KAT6B: variants seen among roughly 807,000 people sequenced by gnomAD.
KAT6B encodes lysine acetyltransferase 6B.
In KAT6B, 10 loss-of-function variants were observed where a neutral mutation model predicts 187.5. The ratio of observed to expected loss-of-function variants is 0.05; its 90% CI spans 0.03 to 0.09. The LOEUF is 0.09. Ranked by LOEUF, KAT6B falls within the 10% of genes least tolerant of loss-of-function variation. KAT6B has a pLI of 1.00. For synonymous variants in KAT6B, 861 were observed against 926.8 expected (o/e 0.93, Z 1.29); for missense variants, 1,952 against 2,558.9 (o/e 0.76, Z 5.12).
intron 16 of KAT6B, chr10:75,024,038 TG>T (rs1003562071): frequency 1.3e-5 from 2 of 152,168 alleles, no homozygotes; most frequent in African/African-American, 4.8e-5. Context: ...AAAACTTTTT[TG>T]CTGGGCGAAA....
chr10:75,024,843 G>A, intron 16 of KAT6B, 115 bp from the exon 17 acceptor site: 1 of 950,744 alleles, frequency 1.1e-6, no homozygotes, highest in Non-Finnish European at 1.7e-6. Context: ...AGGCATTACA[G>A]AAGTCACCAC....
chr10:74,972,266 G>A (rs955539255), intron 6 of KAT6B, among the ~76,000 whole-genome samples: 1 of 151,978 alleles, frequency 6.6e-6, no homozygotes, highest in Admixed American at 6.6e-5. Flanking sequence ...GACATGTTGG[G>A]AACAGCTTCA....
intron 3 of KAT6B, among the ~76,000 whole-genome samples, chr10:74,851,467 A>G (rs1167329119): frequency 1.3e-5 from 2 of 151,454 alleles, no homozygotes; most frequent in East Asian, 3.9e-4. Flanking sequence ...TGGAGTAGCT[A>G]GACTACAGAC....
chr10:74,977,163 A>G (rs1177156864), intron 8 of KAT6B, 153 bp from the exon 9 acceptor site: 28 of 658,640 alleles, frequency 4.3e-5, no homozygotes, highest in Non-Finnish European at 6.5e-5. Flanking sequence ...TGCTGGATCT[A>G]TGAGCAGTGC....
intron 3 of KAT6B, among the ~76,000 whole-genome samples, chr10:74,936,629 T>A (rs1019512780): frequency 6.6e-6 from 1 of 152,136 alleles, no homozygotes; most frequent in African/African-American, 2.4e-5. Flanking sequence ...ATAGGAAAAT[T>A]GAATCTTTAA....
intron 13 of KAT6B, among the ~76,000 whole-genome samples, chr10:75,011,688 T>C (rs1231986045): frequency 6.6e-6 from 1 of 152,196 alleles, no homozygotes; most frequent in Admixed American, 6.5e-5. Flanking sequence ...GAAGGATGAA[T>C]CTATATCATA....
chr10:74,840,292 A>G lies in KAT6B; in HGVS notation c.-259+1540A>G, dbSNP rs368502654. Among the ~76,000 whole-genome samples the G allele has an allele frequency of 1.9e-4, 29 of 152,304 alleles. No individual in the cohort carries two copies. In the East Asian group the frequency reaches 4.2e-3, roughly 22 times the overall value. On this transcript the variant is annotated intron_variant, in intron 2 of 17. Coordinates refer to ENST00000287239, the MANE Select transcript of KAT6B (RefSeq NM_012330.4). ...GAAAGTGGTGCTTTGAAACAATGTG[A>G]TATGTGGAAGGGTTAAGAAACTGGG...
At chr10:74,969,809 A>G (rs1841732149) in intron 5 of KAT6B, 34 bp downstream of exon 5, 1 of 1,440,342 alleles carries the variant, frequency 6.9e-7, no homozygotes, top group Non-Finnish European at 9.8e-7. Flanking sequence ...CCTCCAGGTA[A>G]CTCGCTAATT....
intron 3 of KAT6B, among the ~76,000 whole-genome samples, chr10:74,950,003 T>C (rs977812158): frequency 6.6e-6 from 1 of 152,178 alleles, no homozygotes; most frequent in Non-Finnish European, 1.5e-5. Flanking sequence ...ATACAGATAC[T>C]TAATCCACAG....
chr10:74,895,361 ATATTAT>A (rs10693929), intron 3 of KAT6B, among the ~76,000 whole-genome samples: 11 of 149,418 alleles, frequency 7.4e-5, no homozygotes, highest in Admixed American at 3.3e-4. Context: ...CCCTTTAATC[ATATTAT>A]TATTATTATT....
chr10:74,908,229 G>A (rs776576659), intron 3 of KAT6B, among the ~76,000 whole-genome samples: 1 of 152,148 alleles, frequency 6.6e-6, no homozygotes, highest in South Asian at 2.1e-4. Flanking sequence ...CAGATGTGAG[G>A]CCCCTCGAAC....
chr10:74,839,170 A>G (rs1026866171), intron 2 of KAT6B, among the ~76,000 whole-genome samples: 1 of 151,806 alleles, frequency 6.6e-6, no homozygotes, highest in Non-Finnish European at 1.5e-5. Flanking sequence ...AAAAAAAAAA[A>G]TGATTGTGGT....
chr10:74,927,557 G>A (rs992017265), intron 3 of KAT6B, among the ~76,000 whole-genome samples: 1 of 149,746 alleles, frequency 6.7e-6, no homozygotes, highest in South Asian at 2.1e-4. Context: ...CAGAATCTCA[G>A]CAAGTAGTGA....
At chr10:74,963,991 G>A (rs1841286014) in intron 4 of KAT6B, among the ~76,000 whole-genome samples, 3 of 152,070 alleles carry the variant, frequency 2.0e-5, no homozygotes. Flanking sequence ...AATTAGCCGG[G>A]CATGGTAGCG....
At chr10:74,976,423 C>A (rs1842167448) in intron 8 of KAT6B, 93 bp downstream of exon 8, 1 of 1,007,076 alleles carries the variant, frequency 9.9e-7, no homozygotes, top group Non-Finnish European at 1.5e-6. Flanking sequence ...CTATTTGTCA[C>A]ATAGGTCTTA....
chr10:75,019,000 C>T (rs1358294010), intron 13 of KAT6B, among the ~76,000 whole-genome samples: 1 of 152,140 alleles, frequency 6.6e-6, no homozygotes, highest in Non-Finnish European at 1.5e-5. Flanking sequence ...GTGTGGGCTC[C>T]CTTCATACTC....
chr10:74,947,612 A>G (rs974111966), intron 3 of KAT6B, among the ~76,000 whole-genome samples: 25 of 152,240 alleles, frequency 1.6e-4, no homozygotes, highest in Non-Finnish European at 1.2e-4. Flanking sequence ...TAAGCTATTT[A>G]AGATATGCAA....
At chr10:75,001,618 T>G (rs1278876559) in intron 13 of KAT6B, among the ~76,000 whole-genome samples, 1 of 152,236 alleles carries the variant, frequency 6.6e-6, no homozygotes, top group Non-Finnish European at 1.5e-5. Context: ...GTTTTCACAG[T>G]CTGCCTTCAG....
intron 3 of KAT6B, among the ~76,000 whole-genome samples, chr10:74,954,425 T>C (rs1241737475): frequency 6.6e-6 from 1 of 152,028 alleles, no homozygotes; most frequent in Non-Finnish European, 1.5e-5. Flanking sequence ...TATTGTGAAC[T>C]TACTTAATGC....
Sources: gnomAD v4.1 joint callset for allele counts (sites outside exome capture counted in the v4.1 genomes callset) on GRCh38, gnomAD v4.1.1 for gene constraint, MANE v1.5 for transcripts, NCBI Gene and HGNC (gene_info 2026-07-23, HGNC 2026-07-21) for gene names.